ZNF518A: variants seen among roughly 807,000 people sequenced by gnomAD.
ZNF518A encodes zinc finger protein 518A.
A neutral mutation model predicts 102.7 loss-of-function variants in ZNF518A; 47 were observed. That is an observed-to-expected ratio of 0.46 (90% CI 0.36 to 0.58). ZNF518A has a LOEUF of 0.58. Among genes scored for constraint, ZNF518A ranks in the 20% least tolerant of loss-of-function variants. ZNF518A has a pLI of 0.00. For missense variants in ZNF518A, 1,793 were observed against 1,699.8 expected, an observed-to-expected ratio of 1.05 and a Z score of -0.96; for synonymous variants, 652 against 594.6, an observed-to-expected ratio of 1.10 and a Z score of -1.40.
downstream of ZNF518A, chr10:96,204,352 T>A (rs1400788199): frequency 1.3e-6 from 1 of 763,202 alleles, no homozygotes. Flanking sequence ...AGTAGGTCTC[T>A]GCAACTCTAC....
chr10:96,160,096 A>G lies in ZNF518A; in HGVS notation c.3774A>G (p.Thr1258=). 1 of 1,609,858 alleles carries G rather than the reference A, an allele frequency of 6.2e-7. No homozygotes were observed. ...KKTSKKIFSK[T]KTHGSKDSET... ...CTTCCAAAAAAATTTTTTCAAAAAC[A>G]AAAACTCATGGAAGTAAAGACTCTG... The change falls in exon 6 of 6, where the codon ACA becomes ACG. Residue 1258 remains threonine (T), a synonymous_variant. Coordinates refer to ENST00000316045, the MANE Select transcript of ZNF518A (RefSeq NM_001330736.2).
Position 96,160,024 on chromosome 10 carries a change from G to C in ZNF518A, c.3702G>C (p.Arg1234Ser), listed in dbSNP as rs1276749349. ...ACTGTTCAGAGTCCAGGGTATTAAGGTGTAAAACAAATTGTAGAATTGAGA... is the reference window on the plus strand; with the variant it reads ...ACTGTTCAGAGTCCAGGGTATTAAGCTGTAAAACAAATTGTAGAATTGAGA... ...VSDCSESRVL[R>S]CKTNCRIERN... The change falls in exon 6 of 6, where the codon AGG (arginine) becomes AGC (serine). Residue 1234 changes from arginine (R) to serine (S), a missense_variant. Transcript: ENST00000316045. The C allele has an allele frequency of 1.2e-6, 2 of 1,611,914 alleles. No individual in the cohort carries two copies. Among genetic ancestry groups the C allele is most frequent in the African/African-American group, 2.7e-5 (2 of 74,752 alleles).
In ZNF518A at chr10:96,157,859, C is replaced by T; in HGVS notation, c.1537C>T (p.Pro513Ser). 1 of 1,613,814 alleles carries T rather than the reference C, an allele frequency of 6.2e-7. No homozygotes were observed. Among genetic ancestry groups the T allele is most frequent in the South Asian group, 1.1e-5 (1 of 91,070 alleles). Reference sequence around the variant, plus strand: ...CACAGTTTATATGAAAGCAGCTACTCCATTTTCATGTTCATCTTCTATACT... The same window carrying T: ...CACAGTTTATATGAAAGCAGCTACTTCATTTTCATGTTCATCTTCTATACT... ...NDTVYMKAAT[P>S]FSCSSSILSG... Residue 513 changes from proline (P) to serine (S), a missense_variant, in exon 6 of 6, where the codon CCA becomes TCA. Around this residue, in one of 3 missense-constraint regions of ZNF518A, gnomAD observed 1,741 missense variants for 1,622.6 expected, o/e 1.07. Coordinates refer to ENST00000316045, the MANE Select transcript of ZNF518A (RefSeq NM_001330736.2).
rs183508965 is a variant in ZNF518A, at chr10:96,163,693, A to G, written c.*2919A>G. ...TAACTACTCAATTCTCATAATGCAGAAAAAAACCATAGACAATATGTAAAT... is the reference window on the plus strand; with the variant it reads ...TAACTACTCAATTCTCATAATGCAGGAAAAAACCATAGACAATATGTAAAT... On this transcript the variant is annotated 3_prime_UTR_variant, in exon 6 of 6. Coordinates refer to ENST00000316045, the MANE Select transcript of ZNF518A (RefSeq NM_001330736.2). 6.6e-5 allele frequency: 11 copies of G among 167,148 alleles called. No individual in the cohort carries two copies. In the East Asian group the frequency reaches 1.7e-3, roughly 26 times the overall value. The allele number at this position is 167,148 out of a possible 1,614,324, so 10.4% of individuals were successfully genotyped here.
chr10:96,178,085 G>A (rs1164563671), intron 1 of ZNF518A, among the ~76,000 whole-genome samples: 1 of 152,062 alleles, frequency 6.6e-6, no homozygotes, highest in African/African-American at 2.4e-5. Context: ...AAAGAAATCA[G>A]TAATGACATA....
chr10:96,201,058 C>T (rs782713078), intron 1 of ZNF518A: 1 of 1,613,508 alleles, frequency 6.2e-7, no homozygotes, highest in Non-Finnish European at 8.5e-7. Flanking sequence ...TTCTGTAAAT[C>T]CTGAAAGGGA....
chr10:96,145,230 C>T (rs975898062), intron 3 of ZNF518A, among the ~76,000 whole-genome samples: 10 of 152,110 alleles, frequency 6.6e-5, no homozygotes, highest in Non-Finnish European at 7.3e-5. Flanking sequence ...CTACCACACC[C>T]GGCTGATTTT....
chr10:96,202,206 A>G (rs1424738079), intron 1 of ZNF518A, among the ~76,000 whole-genome samples: 1 of 152,192 alleles, frequency 6.6e-6, no homozygotes, highest in African/African-American at 2.4e-5. Flanking sequence ...GCTGTAATGA[A>G]CATGATAAGG....
intron 3 of ZNF518A, among the ~76,000 whole-genome samples, chr10:96,151,723 C>T (rs374141680): frequency 6.6e-5 from 10 of 152,136 alleles, no homozygotes; most frequent in East Asian, 5.8e-4. Context: ...TGTTTTTACT[C>T]CCCTCTCACC....
chr10:96,153,022 G>A lies in ZNF518A; in HGVS notation c.-301-2304G>A, dbSNP rs149343325. 5.8e-3 allele frequency among the ~76,000 whole-genome samples: 884 copies of A among 152,312 alleles called. 6 individuals are homozygous for A. Among genetic ancestry groups the A allele is most frequent in the South Asian group, 0.018 (89 of 4,828 alleles). ...AACTAGAGACCCTGGGATGCTGGTA[G>A]TATGATTCAGTCCAAGTCCAAACGC... On this transcript the variant is annotated intron_variant, in intron 3 of 5. Coordinates refer to ENST00000316045, the MANE Select transcript of ZNF518A (RefSeq NM_001330736.2).
intron 1 of ZNF518A, among the ~76,000 whole-genome samples, chr10:96,198,719 C>T (rs1306134957): frequency 1.3e-5 from 2 of 152,188 alleles, no homozygotes; most frequent in African/African-American, 4.8e-5. Context: ...TATTCCCCCA[C>T]AGCAGTCTCA....
intron 1 of ZNF518A, among the ~76,000 whole-genome samples, chr10:96,178,617 A>G (rs1168221780): frequency 6.6e-6 from 1 of 152,108 alleles, no homozygotes; most frequent in African/African-American, 2.4e-5. Context: ...ATGGTAATCA[A>G]TGAGTAGAAA....
At chr10:96,153,211 G>C (rs1344445524) in intron 3 of ZNF518A, among the ~76,000 whole-genome samples, 1 of 152,198 alleles carries the variant, frequency 6.6e-6, no homozygotes, top group Non-Finnish European at 1.5e-5. Flanking sequence ...GAGAGAGGCA[G>C]GGGAAATCCT....
chr10:96,197,703 T>C (rs2083505367), intron 1 of ZNF518A, among the ~76,000 whole-genome samples: 1 of 152,072 alleles, frequency 6.6e-6, no homozygotes, highest in Admixed American at 6.6e-5. Context: ...ACTAAAATCT[T>C]GGGTCAGACT....
rs73320976 is a variant in ZNF518A at position 96,199,339 on chromosome 10, C to T, written n.36-4235C>T. On this transcript the variant is annotated intron_variant and non_coding_transcript_variant, in intron 1 of 2. Transcript: ENST00000442635. The stretch of plus-strand genomic sequence containing the variant: ...CATGATTGAAGTTGGGCTCTCCAAA[C>T]ATTTACTTCCAGGTATTTTTTGTTT... 3.1e-3 allele frequency: 792 copies of T among 258,154 alleles called. 3 individuals are homozygous for T. Among genetic ancestry groups the T allele is most frequent in the African/African-American group, 0.016 (722 of 45,122 alleles). The allele number at this position is 258,154 out of a possible 1,614,324, so 16.0% of individuals were successfully genotyped here.
At chr10:96,170,025 G>A (rs2083164548) in intron 1 of ZNF518A, among the ~76,000 whole-genome samples, 3 of 152,190 alleles carry the variant, frequency 2.0e-5, no homozygotes, top group African/African-American at 7.2e-5. Flanking sequence ...TCAACATTCA[G>A]CCAGGTGGCT....
chr10:96,187,700 G>T (rs587685359), intron 1 of ZNF518A, among the ~76,000 whole-genome samples: 1 of 152,144 alleles, frequency 6.6e-6, no homozygotes, highest in African/African-American at 2.4e-5. Context: ...CTGGGGTGTG[G>T]TTTTTTTCCT....
At chr10:96,150,408 A>G (rs2082378847) in intron 3 of ZNF518A, among the ~76,000 whole-genome samples, 1 of 150,616 alleles carries the variant, frequency 6.6e-6, no homozygotes, top group African/African-American at 2.4e-5. Flanking sequence ...TTAGGTAACT[A>G]TTACCCACCT....
downstream of ZNF518A, among the ~76,000 whole-genome samples, chr10:96,165,029 G>A (rs2083115000): frequency 6.6e-6 from 1 of 152,158 alleles, no homozygotes; most frequent in African/African-American, 2.4e-5. Flanking sequence ...TAGATGACTT[G>A]CTTTTAATAT....
Sources: allele counts gnomAD v4.1 joint callset (sites outside exome capture counted in the v4.1 genomes callset), GRCh38; gene constraint gnomAD v4.1.1; regional missense constraint gnomAD v4.1.1; transcripts MANE v1.5; gene names NCBI Gene and HGNC (gene_info 2026-07-23, HGNC 2026-07-21).